KCTD20: variants seen among roughly 807,000 people sequenced by gnomAD.
KCTD20 encodes potassium channel tetramerization domain containing 20.
Under a neutral mutation model 39.6 loss-of-function variants are expected in KCTD20, and 30 were observed. That is an observed-to-expected ratio of 0.76 (90% confidence interval 0.57 to 1.03). The LOEUF is 1.03. Ranked by LOEUF, KCTD20 falls within the 50% of genes least tolerant of loss-of-function variation. The pLI is 0.00. For missense variants in KCTD20, 422 were observed against 522.0 expected (o/e 0.81, Z 1.87); for synonymous variants, 162 against 180.6 (o/e 0.90, Z 0.83).
chr6:36,456,953 A>G (rs139904647), intron 1 of KCTD20, among the ~76,000 whole-genome samples: 2 of 152,132 alleles, frequency 1.3e-5, no homozygotes, highest in Non-Finnish European at 2.9e-5. Context: ...ATATGCCACC[A>G]TGCCTGGCTA....
chr6:36,482,832 G>C (rs1776294887), intron 6 of KCTD20, among the ~76,000 whole-genome samples: 2 of 151,572 alleles, frequency 1.3e-5, no homozygotes, highest in Middle Eastern at 6.8e-3. Flanking sequence ...TGTAATCCTA[G>C]CTACTCTGGA....
At chr6:36,468,071 C>T (rs1204911312) in intron 1 of KCTD20, among the ~76,000 whole-genome samples, 1 of 152,046 alleles carries the variant, frequency 6.6e-6, no homozygotes, top group Non-Finnish European at 1.5e-5. Context: ...ATCAAAAGGT[C>T]CTTTTTTGCA....
intron 1 of KCTD20, among the ~76,000 whole-genome samples, chr6:36,445,337 A>G (rs1441278488): frequency 6.6e-6 from 1 of 151,112 alleles, no homozygotes. Context: ...ACGCATTTTT[A>G]TATTTATTAT....
Position 36,487,093 on chromosome 6 carries a change from T to G in KCTD20, c.1178T>G (p.Met393Arg). 1 of 1,614,200 alleles carries G rather than the reference T, an allele frequency of 6.2e-7. No individual in the cohort carries two copies. Among genetic ancestry groups the G allele is most frequent in the Non-Finnish European group, 8.5e-7 (1 of 1,180,028 alleles). ...GTCTTGGAGGACCAGGAGATATTAATGCATCACCCACCCCAAGTGGATGAA... is the reference window on the plus strand; with the variant it reads ...GTCTTGGAGGACCAGGAGATATTAAGGCATCACCCACCCCAAGTGGATGAA... ...DDVLEDQEIL[M>R]HHPPQVDELD... The change falls in exon 8 of 8, where the codon ATG becomes AGG. Residue 393 changes from methionine to arginine, a missense_variant. Physicochemically the swap from Met to Arg is moderately conservative, Grantham distance 91 (BLOSUM62 -1). Coordinates refer to ENST00000373731, the MANE Select transcript of KCTD20 (RefSeq NM_173562.5).
chr6:36,448,015 G>GTGTGTGTGTATATATATATATATATA (rs559687288), intron 1 of KCTD20, among the ~76,000 whole-genome samples: 1 of 128,954 alleles, frequency 7.8e-6, no homozygotes, highest in African/African-American at 3.4e-5. Context: ...ATGTGTGTGT[G>GTGTGTGTGTATATATATATATATATA]TATATATATA....
intron 2 of KCTD20, among the ~76,000 whole-genome samples, chr6:36,474,583 G>T (rs1179356421): frequency 6.6e-6 from 1 of 152,032 alleles, no homozygotes; most frequent in Non-Finnish European, 1.5e-5. Flanking sequence ...ACCCTCACAT[G>T]TACATGGAAG....
At chr6:36,461,022 A>G (rs1422526373) in intron 1 of KCTD20, among the ~76,000 whole-genome samples, 3 of 152,168 alleles carry the variant, frequency 2.0e-5, no homozygotes, top group Non-Finnish European at 1.5e-5. Context: ...AATATTTATA[A>G]AGTACTTAAA....
rs1277585680 is a variant in KCTD20, at chr6:36,487,488, G to T, written c.*313G>T. 3 of 336,774 alleles carry T rather than the reference G, an allele frequency of 8.9e-6. No homozygotes were observed. In the East Asian group the frequency reaches 1.7e-4, roughly 19 times the overall value. 20.9% of individuals were successfully genotyped at this position (336,774 alleles called of 1,614,324 possible). A position where few individuals can be genotyped will look rare whatever the true frequency, so the allele number is the denominator to read the frequency against. On this transcript the variant is annotated 3_prime_UTR_variant, in exon 8 of 8. Coordinates refer to ENST00000373731, the MANE Select transcript of KCTD20 (RefSeq NM_173562.5). ...AGGAAGTCAAGACTCCTGTTGCCTC[G>T]TGCTTAGCAAAGCAGTCCTTATCCT...
At chr6:36,474,489 T>C (rs1356878007) in intron 2 of KCTD20, among the ~76,000 whole-genome samples, 1 of 152,182 alleles carries the variant, frequency 6.6e-6, no homozygotes, top group South Asian at 2.1e-4. Flanking sequence ...CTACTGTTTT[T>C]CTTAACCATA....
intron 1 of KCTD20, among the ~76,000 whole-genome samples, chr6:36,456,781 C>T (rs1313441358): frequency 1.3e-5 from 2 of 151,862 alleles, no homozygotes; most frequent in East Asian, 3.9e-4. Context: ...CCTGTGGAGC[C>T]TGTAACCCAC....
intron 1 of KCTD20, among the ~76,000 whole-genome samples, chr6:36,448,015 G>GTGTGTGTATATATATATATATATATA (rs559687288): frequency 2.2e-4 from 28 of 128,932 alleles, no homozygotes; most frequent in African/African-American, 8.9e-4. Flanking sequence ...ATGTGTGTGT[G>GTGTGTGTATATATATATATATATATA]TATATATATA....
At chr6:36,472,865 C>A (rs573653034) in intron 2 of KCTD20, among the ~76,000 whole-genome samples, 1 of 151,598 alleles carries the variant, frequency 6.6e-6, no homozygotes, top group Non-Finnish European at 1.5e-5. Context: ...AGTTTTAAGC[C>A]TGTTTTGTAT....
At chr6:36,459,276 AC>A (rs1775532694) in intron 1 of KCTD20, among the ~76,000 whole-genome samples, 1 of 152,184 alleles carries the variant, frequency 6.6e-6, no homozygotes, top group Non-Finnish European at 1.5e-5. Flanking sequence ...ATGCCACTGC[AC>A]TCCAGCCTGG....
chr6:36,480,537 T>A (rs1776213577), intron 5 of KCTD20, among the ~76,000 whole-genome samples: 1 of 149,224 alleles, frequency 6.7e-6, no homozygotes, highest in African/African-American at 2.5e-5. Flanking sequence ...GGACTACAGG[T>A]ACATGCCACC....
At chr6:36,462,334 T>C (rs1331852034) in intron 1 of KCTD20, among the ~76,000 whole-genome samples, 1 of 152,186 alleles carries the variant, frequency 6.6e-6, no homozygotes, top group African/African-American at 2.4e-5. Flanking sequence ...TGGGTCTTGA[T>C]TAAAAAGGCC....
intron 1 of KCTD20, among the ~76,000 whole-genome samples, chr6:36,456,522 G>A (rs189429483): frequency 6.8e-6 from 1 of 147,374 alleles, no homozygotes; most frequent in Non-Finnish European, 1.5e-5. Context: ...TAGATGATCC[G>A]CCCACCTTGG....
intron 1 of KCTD20, among the ~76,000 whole-genome samples, chr6:36,453,262 T>A (rs1388472781): frequency 6.6e-6 from 1 of 151,866 alleles, no homozygotes; most frequent in Non-Finnish European, 1.5e-5. Context: ...TCCACCCGCC[T>A]TGGCCTCCCA....
chr6:36,448,040 T>TA (rs1561940752), intron 1 of KCTD20, among the ~76,000 whole-genome samples: 1 of 146,234 alleles, frequency 6.8e-6, no homozygotes, highest in Admixed American at 6.8e-5. Context: ...TATATATATA[T>TA]TTGAAATACT....
intron 1 of KCTD20, among the ~76,000 whole-genome samples, chr6:36,449,080 A>T (rs1318257338): frequency 6.6e-6 from 1 of 152,166 alleles, no homozygotes; most frequent in African/African-American, 2.4e-5. Context: ...ACTTATTGTG[A>T]GGAGCGAAAG....
Sources: gnomAD v4.1 joint callset for allele counts (sites outside exome capture counted in the v4.1 genomes callset) on GRCh38, gnomAD v4.1.1 for gene constraint, MANE v1.5 for transcripts, NCBI Gene and HGNC (gene_info 2026-07-23, HGNC 2026-07-21) for gene names.